Variants in KIF26B observed in about 807,000 individuals in gnomAD.
The protein encoded by KIF26B is kinesin family member 26B.
Under a neutral mutation model 151.2 loss-of-function variants are expected in KIF26B, and 63 were observed. The observed-to-expected ratio is 0.42, with a 90% CI of 0.34 to 0.51. KIF26B has a LOEUF of 0.51. Among genes scored for constraint, KIF26B ranks in the 20% least tolerant of loss-of-function variants. The pLI, the probability that KIF26B is intolerant of heterozygous loss-of-function variation, is 0.07. For synonymous variants in KIF26B, 1,357 were observed against 1,262.1 expected (o/e 1.08, Z -1.59); for missense variants, 2,813 against 2,913.6 (o/e 0.97, Z 0.79).
In KIF26B at chr1:245,570,320, C is replaced by T. The variant is rs367626745; in HGVS notation, c.1350+29370C>T. Among the ~76,000 whole-genome samples, 14 of 152,184 alleles carry T rather than the reference C, an allele frequency of 9.2e-5. No individual in the cohort carries two copies. In the East Asian group the frequency reaches 2.7e-3, roughly 29 times the overall value. ...ATGCCACTCAGGCTTGAAACTTCAG[C>T]ATCATTTTTGTGTTTCTTCTGCACA... On this transcript the variant is annotated intron_variant, in intron 5 of 14. Coordinates refer to ENST00000407071, the MANE Select transcript of KIF26B (RefSeq NM_018012.4).
chr1:245,235,044 C>T (rs1670079045), intron 2 of KIF26B, among the ~76,000 whole-genome samples: 1 of 152,194 alleles, frequency 6.6e-6, no homozygotes. Flanking sequence ...TCAACTGACA[C>T]TGTCCCTTCG....
At chr1:245,547,946 A>C (rs1055737421) in intron 5 of KIF26B, among the ~76,000 whole-genome samples, 2 of 152,200 alleles carry the variant, frequency 1.3e-5, no homozygotes, top group East Asian at 3.9e-4. Context: ...GTAGAGAAAC[A>C]GAATTTAGCA....
rs1292301845 is a variant in KIF26B at position 245,597,616 on chromosome 1, C to A, written c.1351-4961C>A. 2.0e-5 allele frequency among the ~76,000 whole-genome samples: 3 copies of A among 152,058 alleles called. No homozygotes were observed. Among genetic ancestry groups the A allele is most frequent in the Admixed American group, 2.0e-4 (3 of 15,256 alleles). On this transcript the variant is annotated intron_variant, in intron 5 of 14. Transcript: ENST00000407071. This position sits in a 1 kb window ranked among gnomAD's most constrained non-coding sequence, Gnocchi z 4.6. ...CTGACGATTTTGTGTCTTGGGGTTG[C>A]TCTTCTCGAGGAGTATCTTTTTGGT...
chr1:245,388,732 C>T (rs1216683469), intron 3 of KIF26B, among the ~76,000 whole-genome samples: 4 of 152,234 alleles, frequency 2.6e-5, no homozygotes, highest in Non-Finnish European at 5.9e-5. Context: ...GACCCTTACA[C>T]TCAATTTGTC....
chr1:245,603,711 T>C (rs780061478), intron 6 of KIF26B, among the ~76,000 whole-genome samples: 7 of 152,222 alleles, frequency 4.6e-5, no homozygotes, highest in Non-Finnish European at 1.0e-4. Context: ...TGCAGGTCTC[T>C]GGAGGCCTAA....
At chr1:245,320,927 G>A (rs189745540) in intron 2 of KIF26B, among the ~76,000 whole-genome samples, 117 of 152,186 alleles carry the variant, frequency 7.7e-4, no homozygotes, top group African/African-American at 2.7e-3. Context: ...ATCTCCCCGC[G>A]TCGTCCTCCC....
At position 245,707,447 on chromosome 1, in the gene KIF26B, G is replaced by T. The variant is rs1343424215; in HGVS notation, c.*4841G>T. Reference sequence around the variant, plus strand: ...CACATTGTAATATTTGATTTATGAAGAAGTTCTAATTTATTTGTGAACTCA... The same window carrying T: ...CACATTGTAATATTTGATTTATGAATAAGTTCTAATTTATTTGTGAACTCA... On this transcript the variant is annotated 3_prime_UTR_variant, in exon 15 of 15. Transcript: ENST00000407071. The T allele has an allele frequency of 6.6e-6, 1 of 152,212 alleles. No individual in the cohort carries two copies. The highest frequency in any genetic ancestry group is 1.5e-5 in the Non-Finnish European group (1 of 68,044). 9.4% of individuals were successfully genotyped at this position (152,212 alleles called of 1,614,324 possible).
chr1:245,458,917 G>T (rs1659594465), intron 4 of KIF26B, among the ~76,000 whole-genome samples: 1 of 152,182 alleles, frequency 6.6e-6, no homozygotes, highest in South Asian at 2.1e-4. Context: ...TAAGGGCATA[G>T]AATTAAATCT....
intron 10 of KIF26B, among the ~76,000 whole-genome samples, chr1:245,656,522 C>A (rs1026633292): frequency 6.6e-6 from 1 of 152,202 alleles, no homozygotes; most frequent in African/African-American, 2.4e-5. Context: ...GTGTCATAAC[C>A]AGAAACAAAA....
chr1:245,315,852 ACT>A, intron 2 of KIF26B, among the ~76,000 whole-genome samples: 1 of 152,320 alleles, frequency 6.6e-6, no homozygotes, highest in East Asian at 1.9e-4. Context: ...TGATGGTGCC[ACT>A]GCACTGCAGC....
chr1:245,176,053 G>A (rs1389870480), intron 2 of KIF26B, among the ~76,000 whole-genome samples: 1 of 151,724 alleles, frequency 6.6e-6, no homozygotes, highest in East Asian at 1.9e-4. Flanking sequence ...TGTTGCCCAG[G>A]CTGGGGAACG....
intron 4 of KIF26B, among the ~76,000 whole-genome samples, chr1:245,537,283 G>A (rs183087920): frequency 2.2e-4 from 34 of 152,252 alleles, no homozygotes; most frequent in Admixed American, 2.0e-3. Context: ...TTGGAGGCTA[G>A]GATGACTGGA....
At chr1:245,182,297 T>A (rs969949141) in intron 2 of KIF26B, among the ~76,000 whole-genome samples, 7 of 152,220 alleles carry the variant, frequency 4.6e-5, no homozygotes, top group Non-Finnish European at 7.3e-5. Context: ...TTTCCTTTTG[T>A]AGCATTTTAC....
intron 2 of KIF26B, among the ~76,000 whole-genome samples, chr1:245,291,117 C>A (rs1019739760): frequency 6.6e-6 from 1 of 152,176 alleles, no homozygotes; most frequent in Non-Finnish European, 1.5e-5. Flanking sequence ...GTATGCATGA[C>A]CTCTTGAGGC....
chr1:245,594,817 ATTTG>A, intron 5 of KIF26B, among the ~76,000 whole-genome samples: 1 of 152,224 alleles, frequency 6.6e-6, no homozygotes, highest in East Asian at 1.9e-4. Flanking sequence ...ATGTTTTTCC[ATTTG>A]TTTGTGTCCT....
At chr1:245,653,370 A>G in intron 10 of KIF26B, among the ~76,000 whole-genome samples, 1 of 152,202 alleles carries the variant, frequency 6.6e-6, no homozygotes, top group Non-Finnish European at 1.5e-5. Context: ...ATTTCCTGGC[A>G]TTTCAGCTAC....
intron 2 of KIF26B, among the ~76,000 whole-genome samples, chr1:245,177,848 A>G (rs1008972613): frequency 2.0e-5 from 3 of 152,164 alleles, no homozygotes; most frequent in African/African-American, 7.2e-5. Flanking sequence ...TAATGGCTTC[A>G]GGTCCTATGT....
chr1:245,253,945 G>A (rs998779138), intron 2 of KIF26B, among the ~76,000 whole-genome samples: 2 of 151,478 alleles, frequency 1.3e-5, no homozygotes, highest in African/African-American at 4.8e-5. Flanking sequence ...GAGTAGCTGG[G>A]ACTACAGGCG....
At chr1:245,677,586 C>G (rs992464516) in intron 10 of KIF26B, among the ~76,000 whole-genome samples, 1 of 152,196 alleles carries the variant, frequency 6.6e-6, no homozygotes, top group Non-Finnish European at 1.5e-5. Flanking sequence ...TCTAGTACCC[C>G]AAAGCAAGTA....
Sources: allele counts gnomAD v4.1 joint callset (sites outside exome capture counted in the v4.1 genomes callset), GRCh38; gene constraint gnomAD v4.1.1; non-coding constraint Gnocchi (gnomAD v3.1); transcripts MANE v1.5; gene names NCBI Gene and HGNC (gene_info 2026-07-23, HGNC 2026-07-21).